The following ANO4 variants were observed in gnomAD, a reference collection of about 807,000 sequenced individuals.
ANO4 encodes anoctamin 4.
A neutral mutation model predicts 141.9 loss-of-function variants in ANO4; 69 were observed. The ratio of observed to expected loss-of-function variants is 0.49; its 90% CI spans 0.40 to 0.59. The LOEUF (loss-of-function observed/expected upper bound fraction) is 0.59. Among genes scored for constraint, ANO4 ranks in the 20% least tolerant of loss-of-function variants. ANO4 has a pLI of 0.00. For missense variants in ANO4, 894 were observed against 1,162.2 expected (o/e 0.77, Z 3.36); for synonymous variants, 350 against 394.3 (o/e 0.89, Z 1.33).
intron 1 of ANO4, among the ~76,000 whole-genome samples, chr12:100,725,437 T>G (rs963100414): frequency 2.1e-4 from 31 of 150,936 alleles, no homozygotes; most frequent in Middle Eastern, 3.5e-3. Flanking sequence ...AGCTCCGCCT[T>G]CCGGGTTCAC....
chr12:100,977,464 T>A lies in ANO4; in HGVS notation c.602+2575T>A, dbSNP rs560743826. Among the ~76,000 whole-genome samples, 4 of 152,234 alleles carry A rather than the reference T, an allele frequency of 2.6e-5. No homozygotes were observed. In the South Asian group the frequency reaches 6.2e-4, roughly 24 times the overall value. On this transcript the variant is annotated intron_variant, in intron 7 of 27. Coordinates refer to ENST00000392977, the MANE Select transcript of ANO4 (RefSeq NM_001286615.2). ...TACTTGGGAGTCTGAGGCAGTGGGA[T>A]CACTTGAGTCAAGGTGTTCAAGCCT...
chr12:100,743,650 A>G (rs1490403963), intron 3 of ANO4, among the ~76,000 whole-genome samples: 1 of 152,182 alleles, frequency 6.6e-6, no homozygotes, highest in Non-Finnish European at 1.5e-5. Context: ...TTAAAATGGA[A>G]ATAACTCCTT....
intron 9 of ANO4, among the ~76,000 whole-genome samples, chr12:101,021,886 A>T (rs1444184254): frequency 1.3e-5 from 2 of 152,180 alleles, no homozygotes; most frequent in South Asian, 2.1e-4. Flanking sequence ...AAAATTAAAA[A>T]AATAATTTTT....
At chr12:101,017,357 G>C (rs765293213) in intron 8 of ANO4, among the ~76,000 whole-genome samples, 36 of 152,148 alleles carry the variant, frequency 2.4e-4, no homozygotes, top group Non-Finnish European at 2.9e-5. Flanking sequence ...CCTCCCACCA[G>C]GTCCCTCCCA....
At chr12:100,978,928 G>A (rs1237051885) in intron 7 of ANO4, among the ~76,000 whole-genome samples, 1 of 152,206 alleles carries the variant, frequency 6.6e-6, no homozygotes, top group Non-Finnish European at 1.5e-5. Flanking sequence ...TGATGGCAAA[G>A]CAGCTGAAGA....
At chr12:100,805,733 T>C (rs2034976479) in intron 1 of ANO4, among the ~76,000 whole-genome samples, 1 of 152,178 alleles carries the variant, frequency 6.6e-6, no homozygotes, top group Non-Finnish European at 1.5e-5. Flanking sequence ...CACTTTCTTC[T>C]TCCTGTTTGT....
At chr12:101,050,715 G>A (rs2047828284) in intron 14 of ANO4, among the ~76,000 whole-genome samples, 1 of 152,082 alleles carries the variant, frequency 6.6e-6, no homozygotes, top group South Asian at 2.1e-4. Context: ...AAACTTTTCA[G>A]GTCATAGCAC....
chr12:100,753,528 C>T (rs890018933), intron 3 of ANO4, among the ~76,000 whole-genome samples: 2 of 152,154 alleles, frequency 1.3e-5, no homozygotes, highest in East Asian at 3.9e-4. Context: ...CCCTCTCTTC[C>T]TCAGTGTACA....
chr12:100,727,367 C>T (rs887169963), intron 1 of ANO4, among the ~76,000 whole-genome samples: 1 of 152,104 alleles, frequency 6.6e-6, no homozygotes, highest in Non-Finnish European at 1.5e-5. Context: ...ATAGATTTAA[C>T]ATTTGTTTAT....
At chr12:101,062,824 G>A (rs567301278) in intron 14 of ANO4, among the ~76,000 whole-genome samples, 5 of 152,336 alleles carry the variant, frequency 3.3e-5, no homozygotes, top group East Asian at 3.9e-4. Flanking sequence ...GCTGGGCTCC[G>A]TAGGGGTGGG....
chr12:100,858,012 A>G (rs2038272483), intron 1 of ANO4, among the ~76,000 whole-genome samples: 1 of 152,222 alleles, frequency 6.6e-6, no homozygotes, highest in African/African-American at 2.4e-5. Flanking sequence ...CATAATTTCT[A>G]TCACTGGTGA....
chr12:100,896,232 T>C (rs2040346262), intron 1 of ANO4, among the ~76,000 whole-genome samples: 1 of 152,160 alleles, frequency 6.6e-6, no homozygotes, highest in African/African-American at 2.4e-5. Flanking sequence ...AATCTTGAGA[T>C]AGGGAGATTA....
At chr12:100,922,373 C>A in intron 3 of ANO4, 43 bp downstream of exon 3, 2 of 1,390,240 alleles carry the variant, frequency 1.4e-6, no homozygotes, top group Non-Finnish European at 9.7e-7. Context: ...AGAGAAGAAG[C>A]TATTATAATA....
intron 1 of ANO4, among the ~76,000 whole-genome samples, chr12:100,816,847 T>A (rs930418328): frequency 6.6e-6 from 1 of 152,110 alleles, no homozygotes; most frequent in East Asian, 1.9e-4. Context: ...AACTTTTCAA[T>A]TGTAAGTTTC....
rs1208001376 is a variant in ANO4 at position 100,943,860 on chromosome 12, T to C, written c.456+1325T>C. On this transcript the variant is annotated intron_variant, in intron 5 of 27. Coordinates refer to ENST00000392977, the MANE Select transcript of ANO4 (RefSeq NM_001286615.2). ...TTTCTTAACATTAATAGCACATTCA[T>C]ATTTTTCTCCTTAATCATGCCTTCT... is the stretch of plus-strand genomic sequence containing the variant. Among the ~76,000 whole-genome samples the C allele has an allele frequency of 2.6e-5, 4 of 152,232 alleles. No homozygotes were observed. In the East Asian group the frequency reaches 7.7e-4, roughly 29 times the overall value.
rs192401241 is a variant in ANO4, at chr12:100,799,312, C to T, written c.-141+4285C>T. Among the ~76,000 whole-genome samples the T allele has an allele frequency of 1.6e-4, 25 of 152,286 alleles. 1 individual carries two copies. The highest frequency in any genetic ancestry group is 6.0e-4 in the African/African-American group (25 of 41,558). ...ACTTCCTTTGACCCTGCAAAGCCCC[C>T]AGAACTGTGACAGTGACGTGAGCAT... is the stretch of plus-strand genomic sequence containing the variant. On this transcript the variant is annotated intron_variant, in intron 1 of 27. Transcript: ENST00000392977.
At chr12:100,829,999 G>A (rs1039000388) in intron 1 of ANO4, among the ~76,000 whole-genome samples, 4 of 152,034 alleles carry the variant, frequency 2.6e-5, no homozygotes, top group Non-Finnish European at 5.9e-5. Flanking sequence ...CTCAATAATT[G>A]TGTGATCTTG....
chr12:101,062,524 G>C (rs1053492544), intron 14 of ANO4, among the ~76,000 whole-genome samples: 1 of 152,224 alleles, frequency 6.6e-6, no homozygotes, highest in Non-Finnish European at 1.5e-5. Context: ...AGAGAGGTGG[G>C]AGTTTTATCT....
intron 1 of ANO4, among the ~76,000 whole-genome samples, chr12:100,834,549 A>C (rs1253632394): frequency 6.6e-6 from 1 of 152,136 alleles, no homozygotes; most frequent in Non-Finnish European, 1.5e-5. Context: ...TTAACCCTTT[A>C]ATATACATGT....
Sources: gnomAD v4.1 joint callset for allele counts (sites outside exome capture counted in the v4.1 genomes callset) on GRCh38, gnomAD v4.1.1 for gene constraint, MANE v1.5 for transcripts, NCBI Gene and HGNC (gene_info 2026-07-23, HGNC 2026-07-21) for gene names.